ANKMY2: variants seen among roughly 807,000 people sequenced by gnomAD.
ANKMY2 encodes ankyrin repeat and MYND domain containing 2.
A neutral mutation model predicts 50.4 loss-of-function variants in ANKMY2; 36 were observed. That is an observed-to-expected ratio of 0.71 (90% CI 0.55 to 0.94). ANKMY2 has a LOEUF of 0.94. Ranked by LOEUF, ANKMY2 falls within the 40% of genes least tolerant of loss-of-function variation. ANKMY2 has a pLI of 0.00. For missense variants in ANKMY2, 565 were observed against 524.0 expected, an observed-to-expected ratio of 1.08 and a Z score of -0.76; for synonymous variants, 187 against 178.8, an observed-to-expected ratio of 1.05 and a Z score of -0.36.
intron 4 of ANKMY2, among the ~76,000 whole-genome samples, chr7:16,622,765 T>C (rs1042092156): frequency 3.5e-5 from 5 of 142,574 alleles, no homozygotes; most frequent in African/African-American, 1.3e-4. Context: ...AATAAATAAA[T>C]AAATAAATAA....
At chr7:16,620,113 C>T (rs1477724084) in intron 4 of ANKMY2, among the ~76,000 whole-genome samples, 11 of 152,238 alleles carry the variant, frequency 7.2e-5, no homozygotes, top group South Asian at 4.1e-4. Flanking sequence ...ATACAACCTA[C>T]GTAACCCATT....
intron 2 of ANKMY2, among the ~76,000 whole-genome samples, chr7:16,628,998 G>A (rs1781542609): frequency 1.3e-5 from 2 of 152,134 alleles, no homozygotes; most frequent in South Asian, 4.1e-4. Flanking sequence ...GAGCAAAAGA[G>A]ATATGCAAAA....
Position 16,629,537 on chromosome 7 carries a change from A to G in ANKMY2, c.133-2359T>C, listed in dbSNP as rs1222836994. Among the ~76,000 whole-genome samples, 4 of 150,168 alleles carry G rather than the reference A, an allele frequency of 2.7e-5. No homozygotes were observed. The East Asian group carries it at 5.9e-4, about 22-fold the overall frequency. On this transcript the variant is annotated intron_variant, in intron 2 of 9. Transcript: ENST00000306999. Reference sequence around the variant, plus strand: ...GGCGACAGAGTGAGACTCTGTCTCAAAAAAAAAAAGGTAAATGTCTATCCC... The same window carrying G: ...GGCGACAGAGTGAGACTCTGTCTCAGAAAAAAAAAGGTAAATGTCTATCCC...
intron 4 of ANKMY2, among the ~76,000 whole-genome samples, chr7:16,619,155 CTTT>C (rs201354944): frequency 3.5e-5 from 5 of 143,034 alleles, no homozygotes; most frequent in Admixed American, 7.0e-5. Flanking sequence ...TTTATTATAC[CTTT>C]TTTTTTTTTT....
Position 16,600,589 on chromosome 7 carries a change from T to C in ANKMY2, c.*172A>G, listed in dbSNP as rs144217619. 9 of 459,454 alleles carry C rather than the reference T, an allele frequency of 2.0e-5. No homozygotes were observed. The highest frequency in any genetic ancestry group is 5.9e-4 in the Middle Eastern group (1 of 1,708). 28.5% of individuals were successfully genotyped at this position (459,454 alleles called of 1,614,324 possible). On this transcript the variant is annotated 3_prime_UTR_variant, in exon 10 of 10. Coordinates refer to ENST00000306999, the MANE Select transcript of ANKMY2 (RefSeq NM_020319.3). ...CATTCAATTATAGAACAGAAATCAA[T>C]AGGAAATTAGGGCATGGTCAACAGG...
At chr7:16,626,332 T>C (rs1160983277) in intron 3 of ANKMY2, among the ~76,000 whole-genome samples, 1 of 152,170 alleles carries the variant, frequency 6.6e-6, no homozygotes, top group Non-Finnish European at 1.5e-5. Context: ...ATAATACAGA[T>C]TTTTAGTTTT....
chr7:16,604,929 C>G (rs1225689711), intron 7 of ANKMY2, 80 bp from the exon 8 acceptor site: 2 of 1,366,524 alleles, frequency 1.5e-6, no homozygotes, highest in Non-Finnish European at 2.0e-6. Flanking sequence ...CCCACGGACA[C>G]TGCCGTCCTA....
intron 4 of ANKMY2, among the ~76,000 whole-genome samples, chr7:16,619,743 G>A (rs1583675690): frequency 1.3e-5 from 2 of 152,118 alleles, no homozygotes; most frequent in Admixed American, 1.3e-4. Context: ...AGGTGGAGAA[G>A]CCAGTACATC....
Position 16,600,852 on chromosome 7 carries a change from G to C in ANKMY2, c.1235C>G (p.Ser412Cys). The part of the protein sequence containing the change: ...ISQKDSNPED[S>C]GEGKKESLES... ...AAGAGATTCTTTCTTTCCTTCCCCG[G>C]AATCTTCAGGATTGGAATCCTTTTG... Residue 412 changes from serine (S) to cysteine (C), a missense_variant, in exon 10 of 10, where the codon TCC (serine) becomes TGC (cysteine). Ser to Cys is a moderately radical substitution (Grantham distance 112). Transcript: ENST00000306999. The C allele has an allele frequency of 6.2e-7, 1 of 1,612,980 alleles. No individual in the cohort carries two copies. The highest frequency in any genetic ancestry group is 2.2e-5 in the East Asian group (1 of 44,794).
chr7:16,630,140 A>C (rs1330277080), intron 2 of ANKMY2, among the ~76,000 whole-genome samples: 1 of 152,206 alleles, frequency 6.6e-6, no homozygotes, highest in East Asian at 1.9e-4. Context: ...ACAGAATACT[A>C]AATGTCCATC....
At chr7:16,602,337 T>A (rs745422390) in intron 9 of ANKMY2, 43 bp downstream of exon 9, 1 of 1,597,126 alleles carries the variant, frequency 6.3e-7, no homozygotes, top group African/African-American at 1.3e-5. Flanking sequence ...ATCATCTCTC[T>A]CTCCACTAAA....
chr7:16,645,063 GC>G (rs1781812769), intron 1 of ANKMY2, among the ~76,000 whole-genome samples: 2 of 152,276 alleles, frequency 1.3e-5, no homozygotes, highest in African/African-American at 4.8e-5. Flanking sequence ...CCAAGCGGGG[GC>G]GGGGATCGGC....
rs150788228 is a variant in ANKMY2 at position 16,616,026 on chromosome 7, G to A, written c.371-122C>T. On this transcript the variant is annotated intron_variant, in intron 4 of 9. Transcript: ENST00000306999. ...ATGCACCAATATCTTTATTTTTCAG[G>A]AAAGGAGAGTAGAGGAGGAGGAGGA... 17 of 932,550 alleles carry A rather than the reference G, an allele frequency of 1.8e-5. No individual in the cohort carries two copies. The African/African-American group carries it at 2.5e-4, about 14-fold the overall frequency. The allele number at this position is 932,550 out of a possible 1,614,324, so 57.8% of individuals were successfully genotyped here.
At chr7:16,625,779 A>G (rs1781498790) in intron 3 of ANKMY2, among the ~76,000 whole-genome samples, 1 of 152,194 alleles carries the variant, frequency 6.6e-6, no homozygotes, top group African/African-American at 2.4e-5. Context: ...AATAGTGTAA[A>G]GAAGTTCCTG....
chr7:16,622,608 C>T (rs888831533), intron 4 of ANKMY2, among the ~76,000 whole-genome samples: 96 of 152,056 alleles, frequency 6.3e-4, no homozygotes, highest in African/African-American at 2.1e-3. Context: ...GGCGTGGTGG[C>T]GCACACCTAT....
intron 5 of ANKMY2, among the ~76,000 whole-genome samples, chr7:16,613,860 T>C (rs1267671268): frequency 7.1e-6 from 1 of 140,584 alleles, no homozygotes; most frequent in Non-Finnish European, 1.5e-5. Context: ...CGCTTTAACC[T>C]GGAAGGCCGA....
chr7:16,631,996 T>C (rs1307415265), intron 2 of ANKMY2, among the ~76,000 whole-genome samples: 1 of 152,198 alleles, frequency 6.6e-6, no homozygotes, highest in Admixed American at 6.5e-5. Context: ...ATGTGTTATC[T>C]TAATAAAAAA....
chr7:16,606,663 A>G (rs1314437239), intron 7 of ANKMY2, among the ~76,000 whole-genome samples: 3 of 152,052 alleles, frequency 2.0e-5, no homozygotes, highest in African/African-American at 7.2e-5. Flanking sequence ...TTGTTTTTAT[A>G]TTATCTTACC....
intron 5 of ANKMY2, among the ~76,000 whole-genome samples, chr7:16,613,887 C>T (rs541283082): frequency 5.4e-5 from 8 of 147,946 alleles, no homozygotes; most frequent in African/African-American, 1.8e-4. Flanking sequence ...TACCACTGCA[C>T]TCCAGGCTGG....
Sources: allele counts gnomAD v4.1 joint callset (sites outside exome capture counted in the v4.1 genomes callset), GRCh38; gene constraint gnomAD v4.1.1; transcripts MANE v1.5; gene names NCBI Gene and HGNC (gene_info 2026-07-23, HGNC 2026-07-21).